Variants in SPATS2L observed in about 807,000 individuals in gnomAD.
The protein encoded by SPATS2L is spermatogenesis associated serine rich 2 like.
Under a neutral mutation model 59.6 loss-of-function variants are expected in SPATS2L, and 30 were observed. The ratio of observed to expected loss-of-function variants is 0.50; its 90% confidence interval spans 0.38 to 0.68. SPATS2L has a LOEUF of 0.68. SPATS2L is among the 30% of genes least tolerant of loss of function. The pLI, the probability that SPATS2L is intolerant of heterozygous loss-of-function variation, is 0.00. For synonymous variants in SPATS2L, 252 were observed against 263.5 expected (o/e 0.96, Z 0.42); for missense variants, 615 against 700.0 (o/e 0.88, Z 1.37).
At chr2:200,372,121 A>T in intron 2 of SPATS2L, 1 of 985,458 alleles carries the variant, frequency 1.0e-6, no homozygotes, top group South Asian at 4.7e-5. Flanking sequence ...TTCAGACAAC[A>T]CATGACTAAG....
chr2:200,476,650 G>A (rs186031170), intron 12 of SPATS2L, among the ~76,000 whole-genome samples: 10 of 152,350 alleles, frequency 6.6e-5, no homozygotes, highest in Admixed American at 3.9e-4. Context: ...TCCCACAGCA[G>A]TGCCTAGGGT....
intron 3 of SPATS2L, among the ~76,000 whole-genome samples, chr2:200,391,487 G>C (rs2082171639): frequency 6.6e-6 from 1 of 152,144 alleles, no homozygotes; most frequent in East Asian, 1.9e-4. Flanking sequence ...GACCCCAAAG[G>C]CTTCACCAGA....
chr2:200,381,065 A>G (rs2081793072), intron 2 of SPATS2L, among the ~76,000 whole-genome samples: 1 of 152,234 alleles, frequency 6.6e-6, no homozygotes, highest in Non-Finnish European at 1.5e-5. Context: ...GAAAAGGAGG[A>G]GGGGACAAAA....
chr2:200,313,739 C>T (rs897525734), intron 1 of SPATS2L, among the ~76,000 whole-genome samples: 1 of 152,162 alleles, frequency 6.6e-6, no homozygotes, highest in African/African-American at 2.4e-5. Flanking sequence ...ACATCCCGCA[C>T]CTCGCCATCT....
intron 8 of SPATS2L, among the ~76,000 whole-genome samples, chr2:200,446,528 G>A (rs576095581): frequency 1.3e-4 from 20 of 152,212 alleles, no homozygotes; most frequent in South Asian, 4.2e-4. Context: ...GCTGGCATCC[G>A]TTAGGTAGAG....
At chr2:200,345,734 G>A (rs1171008801) in intron 2 of SPATS2L, among the ~76,000 whole-genome samples, 1 of 152,166 alleles carries the variant, frequency 6.6e-6, no homozygotes, top group African/African-American at 2.4e-5. Context: ...AACCTACTCT[G>A]TAATATTATC....
At chr2:200,307,241 C>T (rs1294303304) in intron 1 of SPATS2L, among the ~76,000 whole-genome samples, 3 of 151,706 alleles carry the variant, frequency 2.0e-5, no homozygotes, top group Non-Finnish European at 4.4e-5. Context: ...GACGTGTACC[C>T]GCCCGCCCCG....
intron 8 of SPATS2L, among the ~76,000 whole-genome samples, chr2:200,447,962 C>T (rs890081740): frequency 2.0e-5 from 3 of 152,184 alleles, no homozygotes; most frequent in Non-Finnish European, 4.4e-5. Flanking sequence ...TGGAGCAACA[C>T]AGGGAGACCT....
At chr2:200,453,099 A>G (rs2085581376) in intron 8 of SPATS2L, among the ~76,000 whole-genome samples, 1 of 152,164 alleles carries the variant, frequency 6.6e-6, no homozygotes, top group Admixed American at 6.5e-5. Context: ...CATGGGACAG[A>G]CAGACATTTC....
At chr2:200,347,371 G>C (rs182216079) in intron 2 of SPATS2L, among the ~76,000 whole-genome samples, 2 of 152,122 alleles carry the variant, frequency 1.3e-5, no homozygotes, top group South Asian at 4.1e-4. Context: ...ACTGTCCTGC[G>C]CATGTCTTGA....
intron 6 of SPATS2L, among the ~76,000 whole-genome samples, chr2:200,429,285 T>C (rs907555825): frequency 7.9e-5 from 12 of 152,166 alleles, no homozygotes; most frequent in African/African-American, 2.7e-4. Flanking sequence ...GGTTACTAAC[T>C]ACTAGAAGGG....
intron 4 of SPATS2L, among the ~76,000 whole-genome samples, chr2:200,413,180 A>T (rs2082943157): frequency 6.6e-6 from 1 of 152,210 alleles, no homozygotes; most frequent in Admixed American, 6.5e-5. Flanking sequence ...ACTTGGCTTT[A>T]TGACTGGAAT....
rs747730102 is a variant in SPATS2L at position 200,319,735 on chromosome 2, ATTGT to A, written c.-72-9690_-72-9687del. 6.7e-4 allele frequency among the ~76,000 whole-genome samples: 102 copies of A among 152,282 alleles called. 2 individuals carry two copies. The highest frequency in any genetic ancestry group is 6.6e-3 in the South Asian group (32 of 4,830). On this transcript the variant is annotated intron_variant, in intron 1 of 12. Transcript: ENST00000409140. ...CTCACATGTAAATCAGGAACAGCAC[ATTGT>A]TTGTTCACATACGAAGCTAAAGAAA...
At chr2:200,352,656 A>T (rs1262635925) in intron 2 of SPATS2L, among the ~76,000 whole-genome samples, 1 of 151,278 alleles carries the variant, frequency 6.6e-6, no homozygotes, top group Non-Finnish European at 1.5e-5. Flanking sequence ...TTCCCTTTTG[A>T]TTATAGGAAA....
intron 1 of SPATS2L, among the ~76,000 whole-genome samples, chr2:200,310,521 C>T (rs295149): frequency 0.46 from 70,153 of 152,046 alleles, 16,813 homozygotes; most frequent in African/African-American, 0.59. Context: ...ATTCTACGCA[C>T]TTCCACCGTA....
intron 1 of SPATS2L, among the ~76,000 whole-genome samples, chr2:200,307,790 T>C (rs1318203905): frequency 1.3e-5 from 2 of 152,228 alleles, no homozygotes; most frequent in African/African-American, 4.8e-5. Context: ...GTTTTTGAAC[T>C]TCACGAGCTT....
chr2:200,324,746 G>T (rs1235782012), intron 1 of SPATS2L, among the ~76,000 whole-genome samples: 1 of 152,122 alleles, frequency 6.6e-6, no homozygotes, highest in African/African-American at 2.4e-5. Flanking sequence ...ATCCATTTGT[G>T]TGGCAAATTC....
intron 2 of SPATS2L, among the ~76,000 whole-genome samples, chr2:200,357,988 GTTAAGCAGCTACTGT>G (rs778460161): frequency 7.9e-5 from 12 of 152,162 alleles, no homozygotes; most frequent in Non-Finnish European, 1.8e-4. Flanking sequence ...CTGGCCTGAT[GTTAAGCAGCTACTGT>G]TCTGTCACTT....
intron 1 of SPATS2L, among the ~76,000 whole-genome samples, chr2:200,324,025 G>A (rs1432690047): frequency 6.6e-6 from 1 of 152,142 alleles, no homozygotes; most frequent in East Asian, 1.9e-4. Flanking sequence ...GTAGTGAAGG[G>A]CTCAGAAACT....
Sources: allele counts gnomAD v4.1 joint callset (sites outside exome capture counted in the v4.1 genomes callset), GRCh38; gene constraint gnomAD v4.1.1; transcripts MANE v1.5; gene names NCBI Gene and HGNC (gene_info 2026-07-23, HGNC 2026-07-21).